CLEC12A: variants seen among roughly 807,000 people sequenced by gnomAD.
The protein encoded by CLEC12A is C-type lectin domain family 12 member A, also known as C-type lectin protein CLL-1.
Under a neutral mutation model 26.5 loss-of-function variants are expected in CLEC12A, and 22 were observed. The observed-to-expected ratio is 0.83, with a 90% confidence interval of 0.59 to 1.19. The LOEUF is 1.19. Among genes scored for constraint, CLEC12A ranks in the 50% most tolerant of loss-of-function variants. CLEC12A has a pLI of 0.00. For synonymous variants in CLEC12A, 119 were observed against 101.9 expected, an observed-to-expected ratio of 1.17 and a Z score of -1.01; for missense variants, 353 against 315.6, an observed-to-expected ratio of 1.12 and a Z score of -0.90.
chr12:9,998,260 T>C, downstream of CLEC12A: 1 of 1,595,144 alleles, frequency 6.3e-7, no homozygotes, highest in Non-Finnish European at 8.6e-7. Context: ...CCAGTCAAAT[T>C]TCTGGCAGAG....
At chr12:9,982,979 T>A (rs1864622232) in intron 5 of CLEC12A, among the ~76,000 whole-genome samples, 1 of 152,164 alleles carries the variant, frequency 6.6e-6, no homozygotes, top group Admixed American at 6.5e-5. Context: ...CCTTCTTTTT[T>A]ATACTTGAGT....
chr12:9,951,819 G>T (rs1368019244), intron 1 of CLEC12A: 2 of 179,036 alleles, frequency 1.1e-5, no homozygotes, highest in African/African-American at 4.7e-5. Flanking sequence ...TGGGCCAGTG[G>T]AGTGAGGGAA....
chr12:9,973,137 C>G (rs1419284081), intron 1 of CLEC12A, among the ~76,000 whole-genome samples: 2 of 152,084 alleles, frequency 1.3e-5, no homozygotes, highest in Non-Finnish European at 2.9e-5. Flanking sequence ...TACACTTCTC[C>G]TCTTCAATGT....
rs559977411 is a variant in CLEC12A at position 9,955,244 on chromosome 12, G to A, written c.10+3888G>A. Among the ~76,000 whole-genome samples the A allele has an allele frequency of 5.3e-5, 8 of 151,936 alleles. 1 individual carries two copies. Among genetic ancestry groups the A allele is most frequent in the South Asian group, 4.1e-4 (2 of 4,820 alleles). ...TGGGACCACAGGCGCCCGCCACCAC[G>A]CCCGGCTAATTTTTTGTATTTTTTA... On this transcript the variant is annotated intron_variant, in intron 1 of 6. Transcript: ENST00000355690.
chr12:9,956,558 C>T (rs1021144231), intron 1 of CLEC12A, among the ~76,000 whole-genome samples: 1 of 152,138 alleles, frequency 6.6e-6, no homozygotes, highest in African/African-American at 2.4e-5. Flanking sequence ...AAGCACAGAT[C>T]AATTATTGGT....
chr12:9,953,712 C>G lies in CLEC12A; in HGVS notation c.10+2356C>G, dbSNP rs1863689103. On this transcript the variant is annotated intron_variant, in intron 1 of 6. Transcript: ENST00000355690. ...CCACCACCCCGTCTGGGAGGTGTGC[C>G]CAGCAGCTCATTGAGAACGGGCCAG... 2.0e-5 allele frequency among the ~76,000 whole-genome samples: 3 copies of G among 151,864 alleles called. No homozygotes were observed. In the South Asian group the frequency reaches 6.2e-4, roughly 32 times the overall value.
At chr12:10,000,154 A>G (rs1480576977), downstream of CLEC12A, among the ~76,000 whole-genome samples, 2 of 152,232 alleles carry the variant, frequency 1.3e-5, no homozygotes, top group African/African-American at 4.8e-5. Flanking sequence ...TTTAAGTAGT[A>G]GGCATTTACC....
In CLEC12A at chr12:9,961,681, T is replaced by C. The variant is rs572937712; in HGVS notation, c.11-9896T>C. On this transcript the variant is annotated intron_variant, in intron 1 of 6. Coordinates refer to the CLEC12A transcript ENST00000355690. ...ACAAAACTTTTTGGTAGGAAGATCATTTAAAATTTCTGTTTTTAATACATA... is the reference window on the plus strand; with the variant it reads ...ACAAAACTTTTTGGTAGGAAGATCACTTAAAATTTCTGTTTTTAATACATA... Among the ~76,000 whole-genome samples, 13 of 152,192 alleles carry C rather than the reference T, an allele frequency of 8.5e-5. No individual in the cohort carries two copies. The East Asian group carries it at 2.5e-3, about 29-fold the overall frequency.
chr12:9,988,843 C>T (rs1276755445), downstream of CLEC12A, among the ~76,000 whole-genome samples: 2 of 152,192 alleles, frequency 1.3e-5, no homozygotes, highest in East Asian at 1.9e-4. Flanking sequence ...TACCATTTGA[C>T]CCAGCCATCC....
intron 4 of CLEC12A, 57 bp downstream of exon 4, chr12:9,980,790 A>G: frequency 1.3e-6 from 2 of 1,567,506 alleles, no homozygotes; most frequent in Non-Finnish European, 1.7e-6. Context: ...CATGTTGGAG[A>G]AGACTTCAAT....
chr12:10,000,867 G>A, the CLEC12A span, among the ~76,000 whole-genome samples: 1 of 152,030 alleles, frequency 6.6e-6, no homozygotes, highest in Non-Finnish European at 1.5e-5. Flanking sequence ...ACGTTCTTTT[G>A]GTCACTGCTT....
chr12:9,968,042 G>T (rs553283174), upstream of CLEC12A, among the ~76,000 whole-genome samples: 5 of 152,180 alleles, frequency 3.3e-5, no homozygotes, highest in Admixed American at 6.5e-5. Flanking sequence ...AGATTGAAGG[G>T]TGATGCCAAG....
chr12:9,996,491 C>T (rs753998773), downstream of CLEC12A, among the ~76,000 whole-genome samples: 5 of 152,058 alleles, frequency 3.3e-5, no homozygotes, highest in East Asian at 1.9e-4. Flanking sequence ...GGATATCTTC[C>T]GTATGCGTCT....
intron 1 of CLEC12A, among the ~76,000 whole-genome samples, chr12:9,960,015 G>A (rs958800959): frequency 2.0e-5 from 3 of 152,092 alleles, no homozygotes; most frequent in Admixed American, 1.3e-4. Context: ...CCAGGGAATC[G>A]AATCATACTG....
downstream of CLEC12A, among the ~76,000 whole-genome samples, chr12:9,999,534 T>C (rs868485925): frequency 1.3e-5 from 2 of 152,232 alleles, no homozygotes; most frequent in East Asian, 1.9e-4. Context: ...AGCAGATATA[T>C]AGTTTATCTC....
At chr12:9,952,871 C>T (rs1461069652) in intron 1 of CLEC12A, 7 of 113,146 alleles carry the variant, frequency 6.2e-5, no homozygotes, top group East Asian at 3.2e-4. Context: ...GCCGAGACCC[C>T]GTCTGGGAGG....
At chr12:9,992,294 A>T (rs967367206) in intron 4 of CLEC12A, 10 of 152,144 alleles carry the variant, frequency 6.6e-5, no homozygotes, top group African/African-American at 2.4e-4. Flanking sequence ...AAACCCAGTG[A>T]GTTTTCTTGC....
chr12:9,994,097 T>A (rs1270919422), intron 4 of CLEC12A, among the ~76,000 whole-genome samples: 1 of 152,052 alleles, frequency 6.6e-6, no homozygotes, highest in Admixed American at 6.6e-5. Flanking sequence ...GGGAGGCTAA[T>A]TTAGTTTGGG....
chr12:9,965,231 A>G (rs1432991327), intron 1 of CLEC12A, among the ~76,000 whole-genome samples: 5 of 152,148 alleles, frequency 3.3e-5, no homozygotes, highest in Admixed American at 1.3e-4. Context: ...GTGCGGTCCC[A>G]GCTCTTGTGT....
Sources: allele counts gnomAD v4.1 joint callset (sites outside exome capture counted in the v4.1 genomes callset), GRCh38; gene constraint gnomAD v4.1.1; transcripts MANE v1.5; gene names NCBI Gene and HGNC (gene_info 2026-07-23, HGNC 2026-07-21).